CAST: variants seen among roughly 807,000 people sequenced by gnomAD.
CAST encodes calpastatin, also known as MIR583 host.
CAST carries 76 observed loss-of-function variants against 119.6 expected under a neutral mutation model. The observed-to-expected ratio is 0.64, with a 90% confidence interval of 0.53 to 0.77. CAST has a LOEUF of 0.77. Ranked by LOEUF, CAST falls within the 30% of genes least tolerant of loss-of-function variation. CAST has a pLI of 0.00. For missense variants in CAST, 953 were observed against 946.5 expected, an observed-to-expected ratio of 1.01 and a Z score of -0.09; for synonymous variants, 319 against 331.6, an observed-to-expected ratio of 0.96 and a Z score of 0.41.
At chr5:96,616,086 C>T (rs896341281) in intron 1 of CAST, among the ~76,000 whole-genome samples, 2 of 121,326 alleles carry the variant, frequency 1.6e-5, no homozygotes, top group African/African-American at 4.0e-5. Context: ...AGATGGTGTT[C>T]GTGTTCACCC....
intron 1 of CAST, among the ~76,000 whole-genome samples, chr5:96,581,293 A>G (rs1746766078): frequency 6.6e-6 from 1 of 152,230 alleles, no homozygotes; most frequent in East Asian, 1.9e-4. Context: ...AAACATATGA[A>G]GAGATGTTTG....
the CAST span, chr5:96,416,233 T>A: frequency 1.3e-6 from 1 of 742,260 alleles, no homozygotes; most frequent in Non-Finnish European, 2.4e-6. Context: ...GCCTTGTTAC[T>A]GTTTTTGTTT....
chr5:96,720,763 C>T (rs1390883255), intron 3 of CAST, among the ~76,000 whole-genome samples: 1 of 152,326 alleles, frequency 6.6e-6, no homozygotes, highest in Non-Finnish European at 1.5e-5. Flanking sequence ...ACAAGGCAGG[C>T]TGGACAATTC....
the CAST span, among the ~76,000 whole-genome samples, chr5:96,023,607 G>A: frequency 6.6e-6 from 1 of 152,070 alleles, no homozygotes; most frequent in Non-Finnish European, 1.5e-5. Context: ...TGTGAAATGG[G>A]ACACAGAGAT....
chr5:96,656,824 C>G (rs1040593514), intron 1 of CAST, among the ~76,000 whole-genome samples: 2 of 152,092 alleles, frequency 1.3e-5, no homozygotes, highest in South Asian at 4.2e-4. Context: ...CTGGTGCATG[C>G]TCTTAACTCT....
chr5:96,374,842 G>A, the CAST span, among the ~76,000 whole-genome samples: 1 of 152,290 alleles, frequency 6.6e-6, no homozygotes, highest in South Asian at 2.1e-4. Flanking sequence ...GTTCTTCTGG[G>A]GTTGTGGCGC....
the CAST span, among the ~76,000 whole-genome samples, chr5:96,312,529 A>G: frequency 0.032 from 4,893 of 152,198 alleles, 299 homozygotes; most frequent in African/African-American, 0.11. Context: ...CAAAACAAGG[A>G]AGATAAGAAA....
the CAST span, among the ~76,000 whole-genome samples, chr5:96,456,789 T>A: frequency 1.3e-5 from 2 of 152,142 alleles, no homozygotes; most frequent in African/African-American, 4.8e-5. Flanking sequence ...AATCCCCACT[T>A]GTTGTGGGAG....
chr5:96,346,814 C>T, the CAST span, among the ~76,000 whole-genome samples: 1 of 152,218 alleles, frequency 6.6e-6, no homozygotes, highest in East Asian at 1.9e-4. Context: ...TGGTCTGATG[C>T]AATATTATTC....
chr5:96,115,238 TTCTC>T, the CAST span, among the ~76,000 whole-genome samples: 3 of 152,238 alleles, frequency 2.0e-5, no homozygotes, highest in African/African-American at 7.2e-5. Flanking sequence ...ACTTAAACAT[TTCTC>T]TCTGTGTCCC....
chr5:96,619,234 T>G (rs1427250156), intron 1 of CAST, among the ~76,000 whole-genome samples: 1 of 151,872 alleles, frequency 6.6e-6, no homozygotes, highest in Non-Finnish European at 1.5e-5. Context: ...CAATCAGTGC[T>G]CTGCCTAGCT....
At chr5:96,387,837 C>T in the CAST span, among the ~76,000 whole-genome samples, 1 of 152,156 alleles carries the variant, frequency 6.6e-6, no homozygotes, top group Non-Finnish European at 1.5e-5. Flanking sequence ...CTCACTGAGA[C>T]ATCATCGAGG....
At chr5:96,649,213 T>G (rs567375905) in intron 1 of CAST, among the ~76,000 whole-genome samples, 31 of 152,242 alleles carry the variant, frequency 2.0e-4, no homozygotes, top group African/African-American at 7.5e-4. Context: ...TTTTAAAAAG[T>G]TTTTTCATGT....
intron 1 of CAST, among the ~76,000 whole-genome samples, chr5:96,599,981 A>AG (rs1747120200): frequency 6.6e-6 from 1 of 151,286 alleles, no homozygotes; most frequent in East Asian, 1.9e-4. Context: ...AAAAAAAAAA[A>AG]AACCCTCAAG....
At chr5:96,670,791 C>A (rs754627900) in intron 1 of CAST, among the ~76,000 whole-genome samples, 2 of 152,174 alleles carry the variant, frequency 1.3e-5, no homozygotes, top group African/African-American at 2.4e-5. Context: ...CCACTGTGCC[C>A]GGCCTAGTTT....
At chr5:96,121,456 A>G in the CAST span, among the ~76,000 whole-genome samples, 1 of 151,654 alleles carries the variant, frequency 6.6e-6, no homozygotes, top group African/African-American at 2.4e-5. Context: ...AACTCCACCC[A>G]GTATTTGAGC....
chr5:96,189,749 T>C, the CAST span, among the ~76,000 whole-genome samples: 1 of 152,190 alleles, frequency 6.6e-6, no homozygotes, highest in South Asian at 2.1e-4. Flanking sequence ...TTTTGATTTT[T>C]GCATTGGAAA....
upstream of CAST, among the ~76,000 whole-genome samples, chr5:96,522,077 C>T (rs923360533): frequency 2.0e-5 from 3 of 151,898 alleles, no homozygotes; most frequent in Non-Finnish European, 1.5e-5. Context: ...GCTCGTGCTA[C>T]TGCACTCCAG....
the CAST span, among the ~76,000 whole-genome samples, chr5:96,286,351 T>G: frequency 6.6e-6 from 1 of 152,332 alleles, no homozygotes; most frequent in South Asian, 2.1e-4. Flanking sequence ...GATATTACTT[T>G]TCTTGTCAAT....
Sources: allele counts gnomAD v4.1 joint callset (sites outside exome capture counted in the v4.1 genomes callset), GRCh38; gene constraint gnomAD v4.1.1; transcripts MANE v1.5; gene names NCBI Gene and HGNC (gene_info 2026-07-23, HGNC 2026-07-21).